CEP20: variants seen among roughly 807,000 people sequenced by gnomAD.
CEP20 encodes FGFR1OP N-terminal like.
Under a neutral mutation model 20.0 loss-of-function variants are expected in CEP20, and 18 were observed. The ratio of observed to expected loss-of-function variants is 0.90; its 90% confidence interval spans 0.62 to 1.34. The LOEUF is 1.34. CEP20 is among the 40% of genes most tolerant of loss of function. CEP20 has a pLI of 0.00. For synonymous variants in CEP20, 77 were observed against 73.7 expected (o/e 1.04, Z -0.23); for missense variants, 215 against 201.6 (o/e 1.07, Z -0.40).
intron 3 of CEP20, among the ~76,000 whole-genome samples, chr16:15,878,267 A>C (rs890072546): frequency 6.6e-6 from 1 of 152,172 alleles, no homozygotes; most frequent in African/African-American, 2.4e-5. Context: ...ATAAAGTTGC[A>C]AAGTGTCTTC....
chr16:15,872,143 T>C (rs1468099551), intron 4 of CEP20, among the ~76,000 whole-genome samples: 1 of 151,930 alleles, frequency 6.6e-6, no homozygotes, highest in Non-Finnish European at 1.5e-5. Flanking sequence ...GGAAACCCTG[T>C]CTCCACTAAA....
intron 4 of CEP20, among the ~76,000 whole-genome samples, chr16:15,868,606 A>G (rs761106675): frequency 9.9e-5 from 15 of 152,222 alleles, no homozygotes; most frequent in Non-Finnish European, 1.9e-4. Context: ...CTGCTAGAAA[A>G]TGCAATTTTA....
At chr16:15,879,380 G>C (rs1045672061) in intron 3 of CEP20, among the ~76,000 whole-genome samples, 1 of 152,104 alleles carries the variant, frequency 6.6e-6, no homozygotes, top group Non-Finnish European at 1.5e-5. Context: ...GGCATGGAGG[G>C]CTCACACCTG....
At chr16:15,872,169 C>T (rs2044836842) in intron 4 of CEP20, among the ~76,000 whole-genome samples, 1 of 152,042 alleles carries the variant, frequency 6.6e-6, no homozygotes, top group South Asian at 2.1e-4. Flanking sequence ...AAAAAATTAG[C>T]CGAGTGTGGT....
At chr16:15,887,793 C>T (rs2045279501) in intron 1 of CEP20, among the ~76,000 whole-genome samples, 1 of 152,028 alleles carries the variant, frequency 6.6e-6, no homozygotes, top group African/African-American at 2.4e-5. Flanking sequence ...AACTTTTTGC[C>T]TCTAGTTTCT....
chr16:15,888,098 G>C (rs564664752), intron 1 of CEP20, among the ~76,000 whole-genome samples: 10 of 148,240 alleles, frequency 6.7e-5, no homozygotes, highest in Non-Finnish European at 1.5e-4. Context: ...AAAAAAGCAA[G>C]GAGGGGAGGG....
intron 1 of CEP20, among the ~76,000 whole-genome samples, chr16:15,886,936 T>C (rs1259471989): frequency 6.6e-6 from 1 of 152,012 alleles, no homozygotes; most frequent in African/African-American, 2.4e-5. Context: ...TCTCATTTTG[T>C]TGCCCAGGCT....
intron 3 of CEP20, 75 bp from the exon 4 acceptor site, chr16:15,873,702 T>C: frequency 2.1e-6 from 3 of 1,456,446 alleles, no homozygotes; most frequent in East Asian, 2.4e-5. Context: ...AAAACATTTA[T>C]TCTTTAAAAG....
At chr16:15,887,334 C>T (rs1238982854) in intron 1 of CEP20, among the ~76,000 whole-genome samples, 6 of 152,170 alleles carry the variant, frequency 3.9e-5, no homozygotes, top group Non-Finnish European at 1.5e-5. Flanking sequence ...GATTGTTCAC[C>T]AGCCCTGTCC....
Position 15,888,546 on chromosome 16 carries a change from G to C in CEP20, c.28+12C>G. 6.2e-7 allele frequency: 1 copy of C among 1,614,102 alleles called. No homozygotes were observed. The highest frequency in any genetic ancestry group is 8.5e-7 in the Non-Finnish European group (1 of 1,180,004). On this transcript the variant is annotated intron_variant, in intron 1 of 4. Transcript: ENST00000255759. ...ACGCTTCCCATGTGGAGGCCTCCCT[G>C]CTCGCACTCACCAGCCTTCAACTCT... is the stretch of plus-strand genomic sequence containing the variant.
rs112502876 is a variant in CEP20 at position 15,888,516 on chromosome 16, G to A, written c.28+42C>T. On this transcript the variant is annotated intron_variant, in intron 1 of 4. Coordinates refer to ENST00000255759, the MANE Select transcript of CEP20 (RefSeq NM_144600.4). ...ATCCCATCCTTTCCACAAGATGAAG[G>A]CCCGACGCTTCCCATGTGGAGGCCT... 4,176 of 1,613,688 alleles carry A rather than the reference G, an allele frequency of 2.6e-3. 26 individuals are homozygous for A. The highest frequency in any genetic ancestry group is 0.014 in the Middle Eastern group (84 of 6,062).
At chr16:15,882,013 T>C (rs1306003451) in intron 2 of CEP20, among the ~76,000 whole-genome samples, 3 of 152,120 alleles carry the variant, frequency 2.0e-5, no homozygotes, top group Admixed American at 1.3e-4. Context: ...CGGGAGTTGT[T>C]TGGGTCATGG....
intron 2 of CEP20, among the ~76,000 whole-genome samples, chr16:15,882,130 C>T (rs191805677): frequency 6.6e-6 from 1 of 152,210 alleles, no homozygotes; most frequent in African/African-American, 2.4e-5. Context: ...CCCTTGGCCC[C>T]TGCCTTCACC....
At chr16:15,877,709 C>T (rs1301711426) in intron 3 of CEP20, among the ~76,000 whole-genome samples, 4 of 151,926 alleles carry the variant, frequency 2.6e-5, no homozygotes, top group Admixed American at 6.6e-5. Flanking sequence ...CCCAGGAGTT[C>T]GAGGCTGCAG....
intron 3 of CEP20, among the ~76,000 whole-genome samples, chr16:15,879,446 G>A (rs1356214871): frequency 2.6e-5 from 4 of 152,116 alleles, no homozygotes; most frequent in Admixed American, 6.5e-5. Context: ...TCAGGAGTTC[G>A]AGACCAGCCT....
At chr16:15,871,644 T>A (rs181404552) in intron 4 of CEP20, among the ~76,000 whole-genome samples, 1 of 152,316 alleles carries the variant, frequency 6.6e-6, no homozygotes, top group Admixed American at 6.5e-5. Context: ...CTACAGGTCT[T>A]AGTTGAGTTA....
chr16:15,880,188 A>G (rs2151428283), intron 2 of CEP20, among the ~76,000 whole-genome samples: 1 of 152,358 alleles, frequency 6.6e-6, no homozygotes, highest in East Asian at 1.9e-4. Flanking sequence ...CTGTTTATCA[A>G]TAACTTATTT....
Position 15,867,388 on chromosome 16 carries a change from GT to G in CEP20, c.*51del. On this transcript the variant is annotated 3_prime_UTR_variant, in exon 5 of 5. Transcript: ENST00000255759. ...TTGGTAACATTGGGACAATAAATAA[GT>G]TATTTAATTAATAATACAATTTTAA... The G allele has an allele frequency of 7.3e-7, 1 of 1,376,390 alleles. No individual in the cohort carries two copies. Among genetic ancestry groups the G allele is most frequent in the Admixed American group, 2.1e-5 (1 of 47,030 alleles). 85.3% of individuals were successfully genotyped at this position (1,376,390 alleles called of 1,614,324 possible).
At chr16:15,869,793 A>G (rs2044769671) in intron 4 of CEP20, among the ~76,000 whole-genome samples, 1 of 152,228 alleles carries the variant, frequency 6.6e-6, no homozygotes, top group African/African-American at 2.4e-5. Context: ...GTAAATGGAA[A>G]GCTTAAGTGT....
Sources: gnomAD v4.1 joint callset for allele counts (sites outside exome capture counted in the v4.1 genomes callset) on GRCh38, gnomAD v4.1.1 for gene constraint, MANE v1.5 for transcripts, NCBI Gene and HGNC (gene_info 2026-07-23, HGNC 2026-07-21) for gene names.